Variants in COL19A1 observed in about 807,000 individuals in gnomAD.
COL19A1 encodes the protein collagen type XIX alpha 1 chain.
COL19A1 carries 159 observed loss-of-function variants against 190.2 expected under a neutral mutation model. The observed-to-expected ratio is 0.84, with a 90% confidence interval of 0.73 to 0.95. COL19A1 has a LOEUF of 0.95. COL19A1 is among the 40% of genes least tolerant of loss of function. The pLI is 0.00. For synonymous variants in COL19A1, 509 were observed against 458.9 expected, an observed-to-expected ratio of 1.11 and a Z score of -1.39; for missense variants, 1,418 against 1,431.9, an observed-to-expected ratio of 0.99 and a Z score of 0.16.
chr6:70,091,766 C>A (rs1326296188), intron 15 of COL19A1, among the ~76,000 whole-genome samples: 1 of 139,648 alleles, frequency 7.2e-6, no homozygotes, highest in Non-Finnish European at 1.5e-5. Context: ...GACTGACCAA[C>A]AATTGCTGCC....
intron 4 of COL19A1, among the ~76,000 whole-genome samples, chr6:69,900,871 G>A (rs1237186363): frequency 6.6e-6 from 1 of 151,882 alleles, no homozygotes. Flanking sequence ...ATTTACCAAA[G>A]TTTTCCCTTA....
At chr6:70,041,198 T>A (rs1052006579) in intron 14 of COL19A1, among the ~76,000 whole-genome samples, 2 of 152,182 alleles carry the variant, frequency 1.3e-5, no homozygotes, top group African/African-American at 4.8e-5. Context: ...AAATAAAAAA[T>A]TTAATGAAAT....
At chr6:70,152,798 C>G (rs1787149699) in intron 31 of COL19A1, among the ~76,000 whole-genome samples, 1 of 152,098 alleles carries the variant, frequency 6.6e-6, no homozygotes, top group Admixed American at 6.6e-5. Flanking sequence ...CTGGAAATAG[C>G]AGGATTGCCG....
chr6:69,881,065 T>C lies in COL19A1; in HGVS notation c.91+1407T>C, dbSNP rs566927895. Among the ~76,000 whole-genome samples, 207 of 152,272 alleles carry C rather than the reference T, an allele frequency of 1.4e-3. 5 individuals carry two copies. The highest frequency in any genetic ancestry group is 4.9e-4 in the Non-Finnish European group (33 of 67,998). ...GGACCTAAATAAATGGTTCTCCAAT[T>C]TTAACATGAAAAAGAATCACCTGAC... On this transcript the variant is annotated intron_variant, in intron 2 of 50. Transcript: ENST00000620364.
At chr6:70,021,863 T>C (rs908433686) in intron 11 of COL19A1, among the ~76,000 whole-genome samples, 1 of 152,208 alleles carries the variant, frequency 6.6e-6, no homozygotes, top group Non-Finnish European at 1.5e-5. Flanking sequence ...CACAATTCTA[T>C]AGAGTAATTC....
chr6:70,153,787 G>A (rs1562225454), intron 31 of COL19A1, among the ~76,000 whole-genome samples: 2 of 150,566 alleles, frequency 1.3e-5, no homozygotes, highest in Non-Finnish European at 3.0e-5. Context: ...TAGTTTTTCA[G>A]GTGTCAGTAA....
At chr6:70,167,447 A>G (rs1234608262) in intron 37 of COL19A1, among the ~76,000 whole-genome samples, 1 of 152,198 alleles carries the variant, frequency 6.6e-6, no homozygotes, top group Non-Finnish European at 1.5e-5. Context: ...ACTCTAGGAC[A>G]TGTCAATTTT....
In COL19A1 at chr6:70,207,270, A is replaced by T; in HGVS notation, c.3425A>T (p.Asn1142Ile). The T allele has an allele frequency of 6.2e-7, 1 of 1,610,902 alleles. No homozygotes were observed. The highest frequency in any genetic ancestry group is 8.5e-7 in the Non-Finnish European group (1 of 1,178,258). The change falls in exon 51 of 51, where the codon AAT (asparagine) becomes ATT (isoleucine). Residue 1142 changes from asparagine to isoleucine, a missense_variant. Transcript: ENST00000620364. ...CATGCCCATCAGCGCACAGGTGGGA[A>T]TTGAACACACCTGAAGAAGACTTGG... ...VSHAHQRTGG[N>I]
intron 14 of COL19A1, among the ~76,000 whole-genome samples, chr6:70,043,481 C>T (rs543442698): frequency 2.4e-4 from 36 of 152,186 alleles, no homozygotes; most frequent in African/African-American, 7.9e-4. Context: ...CGTGAGCCAC[C>T]GCGCCCGGCC....
chr6:70,016,386 A>C (rs1439651317), intron 11 of COL19A1, among the ~76,000 whole-genome samples: 1 of 117,780 alleles, frequency 8.5e-6, no homozygotes, highest in Non-Finnish European at 1.7e-5. Context: ...AAAAAAAAAC[A>C]CATGAAAAAA....
At chr6:70,033,213 A>T (rs1779164437) in intron 12 of COL19A1, among the ~76,000 whole-genome samples, 1 of 152,148 alleles carries the variant, frequency 6.6e-6, no homozygotes, top group African/African-American at 2.4e-5. Context: ...TATTTTAAGT[A>T]TCTAATTTTC....
chr6:70,053,508 A>G (rs1427570811), intron 14 of COL19A1, among the ~76,000 whole-genome samples: 1 of 152,220 alleles, frequency 6.6e-6, no homozygotes, highest in East Asian at 1.9e-4. Context: ...AACTAATCTT[A>G]TTAATGCCAT....
At chr6:69,914,749 A>T (rs1278602158) in intron 4 of COL19A1, among the ~76,000 whole-genome samples, 4 of 152,206 alleles carry the variant, frequency 2.6e-5, no homozygotes, top group Non-Finnish European at 5.9e-5. Flanking sequence ...GAGCTGGTTG[A>T]AGAATTACCT....
Position 69,959,994 on chromosome 6 carries a change from A to C in COL19A1, c.937-2A>C, listed in dbSNP as rs1004995142. ...AAACATTATTCTGTGTACTTCTTTT[A>C]GGGTGAAAATGGTTTACATGGTGCT... On this transcript the variant is annotated splice_acceptor_variant, in intron 9 of 50. Coordinates refer to ENST00000620364, the MANE Select transcript of COL19A1 (RefSeq NM_001858.6). LOFTEE classifies it high-confidence loss of function. 7 of 1,613,190 alleles carry C rather than the reference A, an allele frequency of 4.3e-6. No individual in the cohort carries two copies. Among genetic ancestry groups the C allele is most frequent in the Non-Finnish European group, 5.9e-6 (7 of 1,179,588 alleles).
intron 9 of COL19A1, among the ~76,000 whole-genome samples, chr6:69,942,027 T>G (rs182933541): frequency 6.6e-6 from 1 of 152,272 alleles, no homozygotes; most frequent in African/African-American, 2.4e-5. Flanking sequence ...CTTGCATTGT[T>G]TTACTTAGAT....
At chr6:70,170,817 G>A (rs749471883) in intron 40 of COL19A1, among the ~76,000 whole-genome samples, 1 of 152,110 alleles carries the variant, frequency 6.6e-6, no homozygotes, top group Non-Finnish European at 1.5e-5. Flanking sequence ...TAAGGGCAAT[G>A]TTATAAATAA....
intron 18 of COL19A1, 132 bp from the exon 19 acceptor site, chr6:70,137,553 T>C: frequency 1.3e-6 from 1 of 774,554 alleles, no homozygotes; most frequent in Non-Finnish European, 2.1e-6. Context: ...TTCAGAACTT[T>C]GCATTGTCTG....
chr6:70,025,023 A>G (rs1469825137), intron 12 of COL19A1, among the ~76,000 whole-genome samples: 2 of 147,434 alleles, frequency 1.4e-5, no homozygotes, highest in African/African-American at 5.1e-5. Context: ...CTTGGGATAG[A>G]TTCTTTTTTT....
chr6:70,031,460 C>T (rs530034414), intron 12 of COL19A1, among the ~76,000 whole-genome samples: 1 of 151,994 alleles, frequency 6.6e-6, no homozygotes, highest in Non-Finnish European at 1.5e-5. Context: ...CTCCCTTGCC[C>T]CCTCACTCAC....
Sources: allele counts gnomAD v4.1 joint callset (sites outside exome capture counted in the v4.1 genomes callset), GRCh38; gene constraint gnomAD v4.1.1; transcripts MANE v1.5; gene names NCBI Gene and HGNC (gene_info 2026-07-23, HGNC 2026-07-21).